Variants in PTPN13 observed in about 807,000 individuals in gnomAD.
The protein encoded by PTPN13 is tyrosine-protein phosphatase non-receptor type 13.
Under a neutral mutation model 284.0 loss-of-function variants are expected in PTPN13, and 191 were observed. The ratio of observed to expected loss-of-function variants is 0.67; its 90% confidence interval spans 0.60 to 0.76. The LOEUF (loss-of-function observed/expected upper bound fraction) is 0.76, where lower values mean the gene tolerates loss of function less well. Ranked by LOEUF, PTPN13 falls within the 30% of genes least tolerant of loss-of-function variation. The pLI is 0.00. For missense variants in PTPN13, 2,797 were observed against 2,939.9 expected (o/e 0.95, Z 1.12); for synonymous variants, 986 against 1,022.3 (o/e 0.96, Z 0.68).
intron 32 of PTPN13, among the ~76,000 whole-genome samples, chr4:86,774,171 C>CA (rs1740330768): frequency 6.6e-6 from 1 of 152,078 alleles, no homozygotes; most frequent in Admixed American, 6.6e-5. Flanking sequence ...ATAACTTTTA[C>CA]GTGGGATGCA....
intron 28 of PTPN13, 29 bp downstream of exon 28, chr4:86,768,005 C>A: frequency 6.3e-7 from 1 of 1,583,140 alleles, no homozygotes; most frequent in Admixed American, 1.9e-5. Flanking sequence ...ACAATCTCAC[C>A]TTTAAATTAT....
Position 86,650,043 on chromosome 4 carries a change from T to C in PTPN13, c.115+14672T>C, listed in dbSNP as rs186967914. Among the ~76,000 whole-genome samples, 622 of 152,312 alleles carry C rather than the reference T, an allele frequency of 4.1e-3. 3 individuals are homozygous for C. The highest frequency in any genetic ancestry group is 0.014 in the African/African-American group (591 of 41,574). ...CTCTCTCACCCCGGCTGGAGTCCAA[T>C]GGCATGATCTTGGCTCACTGCAGCC... On this transcript the variant is annotated intron_variant, in intron 2 of 47. Transcript: ENST00000411767.
intron 2 of PTPN13, among the ~76,000 whole-genome samples, chr4:86,647,257 C>T (rs143326066): frequency 2.0e-5 from 3 of 152,146 alleles, no homozygotes; most frequent in East Asian, 3.9e-4. Flanking sequence ...ATCTGCTTAA[C>T]GAAAAGGAAT....
At chr4:86,641,749 A>G (rs1723813803) in intron 2 of PTPN13, among the ~76,000 whole-genome samples, 2 of 152,168 alleles carry the variant, frequency 1.3e-5, no homozygotes, top group African/African-American at 4.8e-5. Context: ...TAAAACGTAC[A>G]ATCTGTATGA....
At chr4:86,712,259 A>C (rs1339686771) in intron 7 of PTPN13, among the ~76,000 whole-genome samples, 1 of 151,728 alleles carries the variant, frequency 6.6e-6, no homozygotes, top group Non-Finnish European at 1.5e-5. Flanking sequence ...CCTCATTGAC[A>C]ATTAGATATT....
intron 42 of PTPN13, among the ~76,000 whole-genome samples, chr4:86,800,426 AG>A (rs1260483837): frequency 4.0e-5 from 6 of 151,874 alleles, no homozygotes; most frequent in Non-Finnish European, 8.8e-5. Flanking sequence ...AGGCCAAAGC[AG>A]GCTGATCACC....
intron 1 of PTPN13, among the ~76,000 whole-genome samples, chr4:86,634,467 T>C (rs1438162360): frequency 6.6e-6 from 1 of 152,170 alleles, no homozygotes; most frequent in Non-Finnish European, 1.5e-5. Flanking sequence ...CTGAACGCCA[T>C]TGGAAAAATT....
intron 46 of PTPN13, among the ~76,000 whole-genome samples, chr4:86,810,294 G>C (rs1745085086): frequency 6.6e-6 from 1 of 152,062 alleles, no homozygotes; most frequent in Non-Finnish European, 1.5e-5. Flanking sequence ...GCTTGTATAA[G>C]ATAGTATTGT....
At chr4:86,768,134 C>T (rs1406672928) in intron 28 of PTPN13, among the ~76,000 whole-genome samples, 158 bp downstream of exon 28, 2 of 152,084 alleles carry the variant, frequency 1.3e-5, no homozygotes, top group Non-Finnish European at 2.9e-5. Flanking sequence ...TGAATAAAGA[C>T]AGAAACATAT....
intron 35 of PTPN13, among the ~76,000 whole-genome samples, chr4:86,779,871 A>G (rs1313817219): frequency 1.3e-5 from 2 of 152,120 alleles, no homozygotes; most frequent in Non-Finnish European, 2.9e-5. Flanking sequence ...CTTCATCTAG[A>G]TTTTCTCTTT....
chr4:86,717,751 G>A (rs893774516), intron 9 of PTPN13, among the ~76,000 whole-genome samples: 1 of 152,102 alleles, frequency 6.6e-6, no homozygotes, highest in Admixed American at 6.5e-5. Flanking sequence ...TGATTTCTAA[G>A]ATACCTTTCT....
At chr4:86,808,035 TGCTA>T (rs1744838840) in intron 45 of PTPN13, 138 bp downstream of exon 45, 1 of 735,214 alleles carries the variant, frequency 1.4e-6, no homozygotes. Context: ...ATGGAACTAA[TGCTA>T]GCTATTTTTT....
intron 1 of PTPN13, among the ~76,000 whole-genome samples, chr4:86,598,000 GAAAC>G (rs1019731718): frequency 5.9e-5 from 9 of 152,116 alleles, no homozygotes; most frequent in African/African-American, 2.2e-4. Flanking sequence ...AAAATTCTCT[GAAAC>G]AAACTGTCTC....
At chr4:86,713,658 G>A (rs1471712118) in intron 7 of PTPN13, among the ~76,000 whole-genome samples, 2 of 151,954 alleles carry the variant, frequency 1.3e-5, no homozygotes, top group African/African-American at 4.8e-5. Flanking sequence ...ATTATTCCTA[G>A]TTCTCCAAGT....
At position 86,735,758 on chromosome 4, in the gene PTPN13, A is replaced by G. The variant is rs755402377; in HGVS notation, c.2304+12A>G. On this transcript the variant is annotated intron_variant, in intron 15 of 47. Coordinates refer to ENST00000411767, the MANE Select transcript of PTPN13 (RefSeq NM_080683.3). The stretch of plus-strand genomic sequence containing the variant: ...TAGAATTTTTAAAGGTAAGCATCCA[A>G]GATTACAAATGATAAGCTTTGTATC... 48 of 1,603,650 alleles carry G rather than the reference A, an allele frequency of 3.0e-5. No homozygotes were observed. In the South Asian group the frequency reaches 4.8e-4, roughly 16 times the overall value.
At chr4:86,629,270 A>G (rs1363312522) in intron 1 of PTPN13, among the ~76,000 whole-genome samples, 1 of 148,244 alleles carries the variant, frequency 6.7e-6, no homozygotes, top group Admixed American at 6.8e-5. Context: ...AAACAACCCC[A>G]TCAAAAAGTG....
Position 86,635,356 on chromosome 4 carries a change from G to C in PTPN13, c.100G>C (p.Glu34Gln). Residue 34 changes from glutamate (E) to glutamine (Q), a missense_variant, in exon 2 of 48, where the codon GAA (glutamate) becomes CAA (glutamine). Coordinates refer to ENST00000411767, the MANE Select transcript of PTPN13 (RefSeq NM_080683.3). ...AAATCAAAGTGCTGAAAGTCTCCAA[G>C]AATTATTCAGAAAAGGTAAGCTGCT... ...VLNQSAESLQ[E>Q]LFRKVSLADP... 6.3e-7 allele frequency: 1 copy of C among 1,597,040 alleles called. No individual in the cohort carries two copies. Among genetic ancestry groups the C allele is most frequent in the Non-Finnish European group, 8.5e-7 (1 of 1,171,696 alleles).
chr4:86,772,927 A>G lies in PTPN13; in HGVS notation c.5318A>G (p.Asp1773Gly), dbSNP rs2149279039. The stretch of plus-strand genomic sequence containing the variant: ...GAAAACTGGACACCTTTGAAAAATG[A>G]CTTGGAAAATCACCTTGAAGACTTT... ...RQENWTPLKN[D>G]LENHLEDFEL... Residue 1773 changes from aspartate (D) to glycine (G), a missense_variant, in exon 32 of 48, where the codon GAC becomes GGC. Transcript: ENST00000411767. 1 of 1,606,496 alleles carries G rather than the reference A, an allele frequency of 6.2e-7. No individual in the cohort carries two copies. Among genetic ancestry groups the G allele is most frequent in the Non-Finnish European group, 8.5e-7 (1 of 1,176,746 alleles).
intron 10 of PTPN13, among the ~76,000 whole-genome samples, chr4:86,727,670 C>T (rs895855662): frequency 6.7e-6 from 1 of 149,238 alleles, no homozygotes; most frequent in South Asian, 2.1e-4. Context: ...TCCCCTTTAT[C>T]GTTTTTTATT....
Sources: allele counts gnomAD v4.1 joint callset (sites outside exome capture counted in the v4.1 genomes callset), GRCh38; gene constraint gnomAD v4.1.1; transcripts MANE v1.5; gene names NCBI Gene and HGNC (gene_info 2026-07-23, HGNC 2026-07-21).